The following ANK1 variants were observed in gnomAD, a reference collection of about 807,000 sequenced individuals.
ANK1 encodes ankyrin 1, also known as ankyrin-1.
Under a neutral mutation model 210.4 loss-of-function variants are expected in ANK1, and 51 were observed. The ratio of observed to expected loss-of-function variants is 0.24; its 90% CI spans 0.19 to 0.31. The LOEUF is 0.31. Ranked by LOEUF, ANK1 falls within the 10% of genes least tolerant of loss-of-function variation. The pLI is 1.00. For missense variants in ANK1, 2,051 were observed against 2,504.4 expected (o/e 0.82, Z 3.86); for synonymous variants, 967 against 1,025.9 (o/e 0.94, Z 1.10).
rs534964940 is a variant in ANK1 at position 41,696,883 on chromosome 8, G to A, written c.2638-110C>T. ...CTTGCCGCTAGAAACCAGGTGCCAC[G>A]TGGAGAAAGTGCTCCCACGGGACCC... On this transcript the variant is annotated intron_variant, in intron 24 of 42. Transcript: ENST00000289734. 54 of 1,038,534 alleles carry A rather than the reference G, an allele frequency of 5.2e-5. 1 individual carries two copies. Among genetic ancestry groups the A allele is most frequent in the African/African-American group, 4.2e-4 (27 of 63,548 alleles). 64.3% of individuals were successfully genotyped at this position (1,038,534 alleles called of 1,614,324 possible). A position where few individuals can be genotyped will look rare whatever the true frequency, so the allele number is the denominator to read the frequency against.
At chr8:41,726,723 T>C (rs7819278) in intron 5 of ANK1, among the ~76,000 whole-genome samples, 5,677 of 152,240 alleles carry the variant, frequency 0.037, 339 homozygotes, top group African/African-American at 0.13. Flanking sequence ...GTTGTGGACA[T>C]ACTAAAGGGC....
intron 1 of ANK1, among the ~76,000 whole-genome samples, chr8:41,865,086 G>A (rs1321419369): frequency 6.6e-6 from 1 of 152,188 alleles, no homozygotes; most frequent in African/African-American, 2.4e-5. Context: ...TCCAGTGTGT[G>A]GCGCTGCACA....
chr8:41,787,344 G>A (rs148693268), intron 1 of ANK1, among the ~76,000 whole-genome samples: 2 of 152,156 alleles, frequency 1.3e-5, no homozygotes, highest in Non-Finnish European at 1.5e-5. Flanking sequence ...CCCTACCTAT[G>A]GCTTCTGTGT....
Position 41,763,889 on chromosome 8 carries a change from C to CTTTTTTTTTTTTTTTTTTTTTT in ANK1, c.28-5774_28-5753dup, listed in dbSNP as rs869100297. Among the ~76,000 whole-genome samples the CTTTTTTTTTTTTTTTTTTTTTT allele has an allele frequency of 3.3e-3, 193 of 57,844 alleles. 1 individual carries two copies. The highest frequency in any genetic ancestry group is 4.0e-3 in the South Asian group (4 of 1,000). The allele number at this position is 57,844 out of a possible 152,430, so 37.9% of individuals were successfully genotyped here. On this transcript the variant is annotated intron_variant, in intron 1 of 42. Transcript: ENST00000289734. ...TTCTTCTTTCTTTTTTTCTTTTTTT[C>CTTTTTTTTTTTTTTTTTTTTTT]TTTTTTTTTTTTTTTTTTTTTTTTT...
chr8:41,864,787 C>T (rs1039319181), intron 1 of ANK1, among the ~76,000 whole-genome samples: 5 of 152,122 alleles, frequency 3.3e-5, no homozygotes, highest in East Asian at 3.9e-4. Flanking sequence ...CATCCAGAAC[C>T]GAAGAAACTG....
At chr8:41,807,709 AG>A (rs1165553253) in intron 1 of ANK1, among the ~76,000 whole-genome samples, 1 of 152,170 alleles carries the variant, frequency 6.6e-6, no homozygotes, top group Non-Finnish European at 1.5e-5. Flanking sequence ...TTGAAATCTT[AG>A]GGCATTGACT....
chr8:41,789,762 C>T (rs1466564355), intron 1 of ANK1, among the ~76,000 whole-genome samples: 1 of 152,198 alleles, frequency 6.6e-6, no homozygotes, highest in Non-Finnish European at 1.5e-5. Flanking sequence ...ACTGTTCAAC[C>T]CTGTTTCCTC....
intron 1 of ANK1, among the ~76,000 whole-genome samples, chr8:41,890,586 G>C (rs1437932605): frequency 1.3e-5 from 2 of 152,018 alleles, no homozygotes; most frequent in East Asian, 3.9e-4. Context: ...ACACGCGCCT[G>C]TAGTCCCAGC....
chr8:41,859,944 G>C (rs1205483592), intron 1 of ANK1, among the ~76,000 whole-genome samples: 2 of 151,890 alleles, frequency 1.3e-5, no homozygotes, highest in African/African-American at 2.4e-5. Context: ...GTTCTCTGTT[G>C]ACCTCTGCCA....
intron 1 of ANK1, among the ~76,000 whole-genome samples, chr8:41,777,628 A>T (rs938626021): frequency 6.6e-6 from 1 of 151,954 alleles, no homozygotes; most frequent in Non-Finnish European, 1.5e-5. Flanking sequence ...ACAAACAAAC[A>T]AACAAACAAT....
At position 41,724,573 on chromosome 8, in the gene ANK1, G is replaced by A. The variant is rs750067799; in HGVS notation, c.613-19C>T. 1.2e-5 allele frequency: 18 copies of A among 1,564,488 alleles called. No homozygotes were observed. In the South Asian group the frequency reaches 2.1e-4, roughly 18 times the overall value. On this transcript the variant is annotated intron_variant, in intron 6 of 42. Coordinates refer to ENST00000289734, the MANE Select transcript of ANK1 (RefSeq NM_000037.4). Reference sequence around the variant, plus strand: ...ATCCCGTCTGGGGCACAACAGAGGGGGAGAAACTTGTTATATGTGATTTAC... The same window carrying A: ...ATCCCGTCTGGGGCACAACAGAGGGAGAGAAACTTGTTATATGTGATTTAC...
intron 9 of ANK1, 149 bp from the exon 10 acceptor site, chr8:41,720,007 C>G (rs566963826): frequency 1.1e-6 from 1 of 908,560 alleles, no homozygotes; most frequent in East Asian, 2.6e-5. Flanking sequence ...CTGGCCTCCA[C>G]GCTCCTGCCG....
At position 41,797,472 on chromosome 8, in the gene ANK1, G is replaced by A. The variant is rs982103610; in HGVS notation, c.27+40C>T. 6.3e-7 allele frequency: 1 copy of A among 1,594,782 alleles called. No individual in the cohort carries two copies. The highest frequency in any genetic ancestry group is 8.6e-7 in the Non-Finnish European group (1 of 1,164,944). Reference sequence around the variant, plus strand: ...GGCGCGGCCTGGGTGGCCCCCTCCTGACATCTCCCCGTCCACCCGAGCAGC... The same window carrying A: ...GGCGCGGCCTGGGTGGCCCCCTCCTAACATCTCCCCGTCCACCCGAGCAGC... On this transcript the variant is annotated intron_variant, in intron 1 of 42. Coordinates refer to ENST00000289734, the MANE Select transcript of ANK1 (RefSeq NM_000037.4). This position sits in a 1 kb window ranked among gnomAD's most constrained non-coding sequence, Gnocchi z 4.0.
intron 11 of ANK1, 58 bp from the exon 12 acceptor site, chr8:41,717,760 G>A (rs922677388): frequency 2.2e-6 from 3 of 1,379,058 alleles, no homozygotes; most frequent in Admixed American, 2.0e-5. Flanking sequence ...CCCTGAAGAA[G>A]AGAGAACCTG....
At chr8:41,689,828 G>C (rs1230004156) in intron 33 of ANK1, among the ~76,000 whole-genome samples, 1 of 152,196 alleles carries the variant, frequency 6.6e-6, no homozygotes, top group African/African-American at 2.4e-5. Flanking sequence ...AGCCGTGCAG[G>C]GGCTGGGAGA....
chr8:41,843,659 G>C (rs1194953580), intron 1 of ANK1, among the ~76,000 whole-genome samples: 1 of 152,110 alleles, frequency 6.6e-6, no homozygotes, highest in Non-Finnish European at 1.5e-5. Context: ...AGAGGGACTG[G>C]CAGACACTAA....
intron 33 of ANK1, among the ~76,000 whole-genome samples, chr8:41,689,085 G>A (rs1256497150): frequency 6.6e-6 from 1 of 152,052 alleles, no homozygotes; most frequent in Non-Finnish European, 1.5e-5. Flanking sequence ...AAAAGCATCC[G>A]AACATTTGCC....
chr8:41,791,860 C>A (rs1297513797), intron 1 of ANK1, among the ~76,000 whole-genome samples: 1 of 152,152 alleles, frequency 6.6e-6, no homozygotes, highest in African/African-American at 2.4e-5. Context: ...CATGGGGGGC[C>A]CAGAGCTTTC....
chr8:41,674,941 G>A (rs1813676229), intron 37 of ANK1, among the ~76,000 whole-genome samples: 1 of 152,220 alleles, frequency 6.6e-6, no homozygotes, highest in Non-Finnish European at 1.5e-5. Context: ...ACTGTGACTT[G>A]AGGAATTATA....
Sources: allele counts gnomAD v4.1 joint callset (sites outside exome capture counted in the v4.1 genomes callset), GRCh38; gene constraint gnomAD v4.1.1; non-coding constraint Gnocchi (gnomAD v3.1); transcripts MANE v1.5; gene names NCBI Gene and HGNC (gene_info 2026-07-23, HGNC 2026-07-21).